The following BTRC variants were observed in gnomAD, a reference collection of about 807,000 sequenced individuals.
BTRC encodes beta-transducin repeat containing E3 ubiquitin protein ligase, also known as F-box/WD repeat-containing protein 1A.
BTRC carries 42 observed loss-of-function variants against 85.5 expected under a neutral mutation model. The ratio of observed to expected loss-of-function variants is 0.49; its 90% CI spans 0.38 to 0.64. The LOEUF (loss-of-function observed/expected upper bound fraction) is 0.64, where lower values mean the gene tolerates loss of function less well. Ranked by LOEUF, BTRC falls within the 30% of genes least tolerant of loss-of-function variation. The probability of loss-of-function intolerance (pLI) is 0.00; values close to 1 mark genes in which losing one functional copy is unlikely to be tolerated. For synonymous variants in BTRC, 255 were observed against 263.3 expected, an observed-to-expected ratio of 0.97 and a Z score of 0.30; for missense variants, 594 against 743.5, an observed-to-expected ratio of 0.80 and a Z score of 2.34.
At chr10:101,371,099 A>G (rs1942621920) in intron 1 of BTRC, among the ~76,000 whole-genome samples, 1 of 152,180 alleles carries the variant, frequency 6.6e-6, no homozygotes, top group Non-Finnish European at 1.5e-5. Context: ...TGCAAAACTG[A>G]AACTCTATAC....
intron 1 of BTRC, among the ~76,000 whole-genome samples, chr10:101,404,517 G>C (rs951452624): frequency 4.6e-5 from 7 of 152,108 alleles, no homozygotes; most frequent in African/African-American, 1.7e-4. Flanking sequence ...TGAAAATGTT[G>C]ATATTTTTGT....
chr10:101,481,024 T>C (rs1447233634), intron 4 of BTRC, among the ~76,000 whole-genome samples: 4 of 152,216 alleles, frequency 2.6e-5, no homozygotes, highest in Admixed American at 1.3e-4. Context: ...GCTCAAGCCC[T>C]GATCTTCCTG....
Position 101,531,254 on chromosome 10 carries a change from AAAAC to A in BTRC, c.766_769del (p.Lys256LeufsTer26). On this transcript the variant is annotated frameshift_variant, in exon 7 of 15. Coordinates refer to ENST00000370187, the MANE Select transcript of BTRC (RefSeq NM_033637.4). LOFTEE classifies it high-confidence loss of function. ...TTTTTTAGGGGACAGTATTTATTCA[AAAAC>A]AAACCTCCTGACGGGAATGCTCCTC... The A allele has an allele frequency of 6.2e-7, 1 of 1,607,232 alleles. No homozygotes were observed. Among genetic ancestry groups the A allele is most frequent in the Non-Finnish European group, 8.5e-7 (1 of 1,174,040 alleles).
At chr10:101,436,143 T>C (rs1944523401) in intron 2 of BTRC, among the ~76,000 whole-genome samples, 1 of 152,166 alleles carries the variant, frequency 6.6e-6, no homozygotes, top group Admixed American at 6.5e-5. Flanking sequence ...GGAAAGTGTA[T>C]GAGTGATTAG....
chr10:101,463,077 GCTCTATCGCC>G lies in BTRC; in HGVS notation c.234+1021_234+1030del, dbSNP rs529177179. On this transcript the variant is annotated intron_variant, in intron 3 of 14. Transcript: ENST00000370187. The stretch of plus-strand genomic sequence containing the variant: ...TTTTTTTTTTTTGAGACACAGTCTT[GCTCTATCGCC>G]CAGGCTGGAGTGCAGTGGTGTGATC... Among the ~76,000 whole-genome samples, 664 of 141,696 alleles carry G rather than the reference GCTCTATCGCC, an allele frequency of 4.7e-3. 6 individuals are homozygous for G. The highest frequency in any genetic ancestry group is 0.016 in the African/African-American group (605 of 38,090). The allele number at this position is 141,696 out of a possible 152,430, so 93.0% of individuals were successfully genotyped here. A position where few individuals can be genotyped will look rare whatever the true frequency, so the allele number is the denominator to read the frequency against.
rs531584130 is a variant in BTRC at position 101,409,178 on chromosome 10, G to T, written c.49-21167G>T. 4.3e-4 allele frequency among the ~76,000 whole-genome samples: 65 copies of T among 152,312 alleles called. 2 individuals are homozygous for T. Among genetic ancestry groups the T allele is most frequent in the African/African-American group, 1.2e-3 (48 of 41,564 alleles). ...AACTACTACCTCTATGTAGTTGAAAGACATTTACATCATTCCAAGTAAAAG... is the reference window on the plus strand; with the variant it reads ...AACTACTACCTCTATGTAGTTGAAATACATTTACATCATTCCAAGTAAAAG... On this transcript the variant is annotated intron_variant, in intron 1 of 14. Coordinates refer to ENST00000370187, the MANE Select transcript of BTRC (RefSeq NM_033637.4).
chr10:101,368,275 C>G (rs1413883798), intron 1 of BTRC, among the ~76,000 whole-genome samples: 1 of 152,198 alleles, frequency 6.6e-6, no homozygotes, highest in East Asian at 1.9e-4. Flanking sequence ...CCTCTTCGCC[C>G]TCCACCGTGA....
At chr10:101,365,798 T>G (rs1354504957) in intron 1 of BTRC, among the ~76,000 whole-genome samples, 1 of 152,196 alleles carries the variant, frequency 6.6e-6, no homozygotes. Context: ...CTTTTATGTT[T>G]TACGGATTTT....
intron 4 of BTRC, among the ~76,000 whole-genome samples, chr10:101,502,644 T>C (rs1946424878): frequency 6.6e-6 from 1 of 152,160 alleles, no homozygotes; most frequent in South Asian, 2.1e-4. Context: ...GTAGCATCCT[T>C]CTTGGTGAGA....
chr10:101,474,160 A>AT (rs1485423931), intron 3 of BTRC, among the ~76,000 whole-genome samples: 2 of 151,938 alleles, frequency 1.3e-5, no homozygotes, highest in South Asian at 4.2e-4. Flanking sequence ...CCTTTTTCTC[A>AT]TTTTTAGTAA....
chr10:101,429,839 G>A (rs1944355944), intron 1 of BTRC, among the ~76,000 whole-genome samples: 1 of 149,488 alleles, frequency 6.7e-6, no homozygotes, highest in South Asian at 2.1e-4. Context: ...CAAAGCCGTA[G>A]GGATACAATA....
At chr10:101,416,047 G>C (rs1270234314) in intron 1 of BTRC, among the ~76,000 whole-genome samples, 1 of 152,110 alleles carries the variant, frequency 6.6e-6, no homozygotes, top group Non-Finnish European at 1.5e-5. Flanking sequence ...ACACAGCCGA[G>C]AAATCACCTA....
At chr10:101,519,704 C>G (rs1048981943) in intron 4 of BTRC, among the ~76,000 whole-genome samples, 1 of 152,172 alleles carries the variant, frequency 6.6e-6, no homozygotes, top group African/African-American at 2.4e-5. Context: ...GGCCAAGAGT[C>G]TTGGGGACCA....
At chr10:101,372,708 T>C (rs937332167) in intron 1 of BTRC, among the ~76,000 whole-genome samples, 3 of 151,124 alleles carry the variant, frequency 2.0e-5, no homozygotes, top group Admixed American at 2.0e-4. Context: ...CTACTAAAAA[T>C]ACAAAAATTA....
intron 2 of BTRC, among the ~76,000 whole-genome samples, chr10:101,460,484 A>C (rs1015822392): frequency 6.6e-6 from 1 of 152,158 alleles, no homozygotes; most frequent in African/African-American, 2.4e-5. Flanking sequence ...GTAATATAGC[A>C]TGCTTTTTCT....
intron 4 of BTRC, among the ~76,000 whole-genome samples, chr10:101,487,625 A>C (rs986340469): frequency 1.3e-5 from 2 of 152,240 alleles, no homozygotes; most frequent in African/African-American, 4.8e-5. Context: ...GGCGATGGGC[A>C]ATATGGCAGC....
intron 3 of BTRC, among the ~76,000 whole-genome samples, chr10:101,477,711 G>A (rs916172518): frequency 4.6e-5 from 7 of 151,948 alleles, no homozygotes; most frequent in African/African-American, 9.7e-5. Flanking sequence ...GTGCAGTGGC[G>A]TGATCTCAGC....
At chr10:101,502,406 A>G (rs1946419687) in intron 4 of BTRC, among the ~76,000 whole-genome samples, 1 of 152,116 alleles carries the variant, frequency 6.6e-6, no homozygotes, top group South Asian at 2.1e-4. Context: ...AAAAAAAATC[A>G]ATGGCAAATG....
chr10:101,407,329 C>A (rs1420775314), intron 1 of BTRC, among the ~76,000 whole-genome samples: 3 of 152,142 alleles, frequency 2.0e-5, no homozygotes, highest in East Asian at 1.9e-4. Flanking sequence ...TCCTGGTTGA[C>A]AATGAGACCA....
Sources: gnomAD v4.1 joint callset for allele counts (sites outside exome capture counted in the v4.1 genomes callset) on GRCh38, gnomAD v4.1.1 for gene constraint, MANE v1.5 for transcripts, NCBI Gene and HGNC (gene_info 2026-07-23, HGNC 2026-07-21) for gene names.